RAB44: variants seen among roughly 807,000 people sequenced by gnomAD.
The protein encoded by RAB44 is RAB44, member RAS oncogene family.
A neutral mutation model predicts 93.3 loss-of-function variants in RAB44; 67 were observed. That is an observed-to-expected ratio of 0.72 (90% CI 0.59 to 0.88). RAB44 has a LOEUF of 0.88. Among genes scored for constraint, RAB44 ranks in the 40% least tolerant of loss-of-function variants. The pLI is 0.00. For missense variants in RAB44, 1,064 were observed against 1,261.7 expected (o/e 0.84, Z 2.37); for synonymous variants, 427 against 520.3 (o/e 0.82, Z 2.44).
intron 9 of RAB44, 147 bp from the exon 10 acceptor site, chr6:36,725,715 T>C: frequency 1.6e-6 from 1 of 632,406 alleles, no homozygotes; most frequent in Non-Finnish European, 3.0e-6. Flanking sequence ...CGAGTATGGA[T>C]GGGATGCAGA....
At position 36,731,974 on chromosome 6, in the gene RAB44, G is replaced by C; in HGVS notation, c.2976-29G>C. The C allele has an allele frequency of 4.1e-6, 5 of 1,228,554 alleles. No homozygotes were observed. The allele number at this position is 1,228,554 out of a possible 1,614,324, so 76.1% of individuals were successfully genotyped here. A position where few individuals can be genotyped will look rare whatever the true frequency, so the allele number is the denominator to read the frequency against. ...CGTGCTGCCCGTAGGAGGTGAGAGAGAGGCCTGATGCCTGGCACTGTCACA... is the reference window on the plus strand; with the variant it reads ...CGTGCTGCCCGTAGGAGGTGAGAGACAGGCCTGATGCCTGGCACTGTCACA... On this transcript the variant is annotated intron_variant, in intron 13 of 13. Transcript: ENST00000612677. This position sits in a 1 kb window ranked among gnomAD's most constrained non-coding sequence, Gnocchi z 4.0.
chr6:36,704,197 C>G (rs1276819910), intron 1 of RAB44, 27 bp from the exon 2 acceptor site: 3 of 1,514,886 alleles, frequency 2.0e-6, no homozygotes, highest in Non-Finnish European at 2.7e-6. Flanking sequence ...TCCAGCAGCC[C>G]GGTGCCCCTC....
intron 2 of RAB44, among the ~76,000 whole-genome samples, chr6:36,712,101 G>A (rs771176996): frequency 1.3e-5 from 2 of 152,076 alleles, no homozygotes; most frequent in Non-Finnish European, 2.9e-5. Flanking sequence ...TCAGGGGTTC[G>A]AGACCAGCTT....
chr6:36,702,337 AG>A (rs145826731), intron 1 of RAB44, among the ~76,000 whole-genome samples: 1,049 of 36,566 alleles, frequency 0.029, 3 homozygotes, highest in African/African-American at 0.059. Context: ...AGAGAGAGAG[AG>A]AATGTACTTC....
At chr6:36,707,832 G>A (rs59839172) in intron 2 of RAB44, among the ~76,000 whole-genome samples, 1 of 152,130 alleles carries the variant, frequency 6.6e-6, no homozygotes, top group Non-Finnish European at 1.5e-5. Flanking sequence ...CTGTGGTTAT[G>A]TATTACACTA....
intron 1 of RAB44, among the ~76,000 whole-genome samples, chr6:36,699,503 AC>A (rs1353649641): frequency 6.6e-6 from 1 of 152,094 alleles, no homozygotes; most frequent in Non-Finnish European, 1.5e-5. Context: ...AGTACATGAG[AC>A]ATTGGGCGTC....
chr6:36,715,169 A>G (rs1471323449), intron 3 of RAB44, among the ~76,000 whole-genome samples: 1 of 151,614 alleles, frequency 6.6e-6, no homozygotes, highest in Non-Finnish European at 1.5e-5. Context: ...ATTTTGGTTA[A>G]TTTTGTCATG....
At chr6:36,730,000 T>G (rs953050496) in intron 12 of RAB44, among the ~76,000 whole-genome samples, 1 of 152,220 alleles carries the variant, frequency 6.6e-6, no homozygotes, top group Non-Finnish European at 1.5e-5. Flanking sequence ...GATGTTCATG[T>G]GAGAGGTTAG....
rs886383777 is a variant in RAB44, at chr6:36,710,151, T to G, written c.208-3677T>G. Among the ~76,000 whole-genome samples the G allele has an allele frequency of 2.0e-5, 3 of 152,222 alleles. No individual in the cohort carries two copies. In the South Asian group the frequency reaches 6.2e-4, roughly 31 times the overall value. On this transcript the variant is annotated intron_variant, in intron 2 of 13. Coordinates refer to ENST00000612677, the MANE Select transcript of RAB44 (RefSeq NM_001257357.2). ...CCATTTCCCCAGCCATCTCCAAAGC[T>G]TCTTTCATCTTGCCAAACTGAAATT...
rs1473500100 is a variant in RAB44, at chr6:36,722,425, C to T, written c.2291C>T (p.Thr764Ile). 1.5e-5 allele frequency: 22 copies of T among 1,424,274 alleles called. No homozygotes were observed. Among genetic ancestry groups the T allele is most frequent in the Non-Finnish European group, 1.9e-5 (21 of 1,093,032 alleles). 88.2% of individuals were successfully genotyped at this position (1,424,274 alleles called of 1,614,324 possible). Residue 764 changes from threonine (T) to isoleucine (I), a missense_variant, in exon 9 of 14, where the codon ACC becomes ATC. Coordinates refer to ENST00000612677, the MANE Select transcript of RAB44 (RefSeq NM_001257357.2). ...GCAGGACCCCAGGAACCCACGCAAA[C>T]CCCTCCCACCATGGCTGAGCAGGAA... is the stretch of plus-strand genomic sequence containing the variant. The part of the protein sequence containing the change: ...AGAGPQEPTQ[T>I]PPTMAEQEAQ...
At position 36,732,429 on chromosome 6, in the gene RAB44, G is replaced by A. The variant is rs1326378199; in HGVS notation, c.*336G>A. 1 of 179,754 alleles carries A rather than the reference G, an allele frequency of 5.6e-6. No homozygotes were observed. The highest frequency in any genetic ancestry group is 1.1e-5 in the Non-Finnish European group (1 of 88,630). 11.1% of individuals were successfully genotyped at this position (179,754 alleles called of 1,614,324 possible). A position where few individuals can be genotyped will look rare whatever the true frequency, so the allele number is the denominator to read the frequency against. On this transcript the variant is annotated 3_prime_UTR_variant, in exon 14 of 14. Transcript: ENST00000612677. ...ATTTTAGGGAGAATGTGGGGGGGGG[G>A]TGTTACTTTCCATTTTACACATATT...
chr6:36,715,048 C>G (rs547744678), intron 3 of RAB44, among the ~76,000 whole-genome samples: 1 of 152,066 alleles, frequency 6.6e-6, no homozygotes, highest in Admixed American at 6.5e-5. Flanking sequence ...CTCCCAGTCT[C>G]TCAGTGGAAA....
At chr6:36,700,556 C>A (rs1762485607) in intron 1 of RAB44, among the ~76,000 whole-genome samples, 1 of 152,150 alleles carries the variant, frequency 6.6e-6, no homozygotes, top group Non-Finnish European at 1.5e-5. Context: ...CCTCCCATCT[C>A]AGCCTCCCAA....
chr6:36,715,424 C>T, intron 3 of RAB44, 55 bp from the exon 4 acceptor site: 1 of 1,505,864 alleles, frequency 6.6e-7, no homozygotes, highest in Non-Finnish European at 8.9e-7. Context: ...GGTGGGAGGC[C>T]AGGCGTCTGG....
At chr6:36,702,293 GGAGAGAGA>G (rs567475229) in intron 1 of RAB44, among the ~76,000 whole-genome samples, 1,410 of 115,154 alleles carry the variant, frequency 0.012, 30 homozygotes, top group African/African-American at 0.036. Flanking sequence ...CTTCGAAGGG[GGAGAGAGA>G]GAGAGAGAGA....
At chr6:36,706,876 G>A (rs1007916684) in intron 2 of RAB44, among the ~76,000 whole-genome samples, 11 of 151,064 alleles carry the variant, frequency 7.3e-5, no homozygotes, top group African/African-American at 1.2e-4. Flanking sequence ...ACAGGCCTGC[G>A]CCACCATGCC....
chr6:36,709,722 A>AT (rs1192479383), intron 2 of RAB44, among the ~76,000 whole-genome samples: 4 of 151,800 alleles, frequency 2.6e-5, no homozygotes, highest in African/African-American at 7.3e-5. Flanking sequence ...TGCCAGGAGG[A>AT]TTTTTTCTGT....
At position 36,715,503 on chromosome 6, in the gene RAB44, G is replaced by A. The variant is rs903821952; in HGVS notation, c.344G>A (p.Ser115Asn). 2.0e-5 allele frequency: 31 copies of A among 1,535,984 alleles called. No individual in the cohort carries two copies. In the African/African-American group the frequency reaches 3.0e-4, roughly 15 times the overall value. The change falls in exon 4 of 14, where the codon AGC (serine) becomes AAC (asparagine). Residue 115 changes from serine (S) to asparagine (N), a missense_variant. Transcript: ENST00000612677. ...GLKNIFGSSQ[S>N]PHRLRRRKPL... ...GAAAACATCTTTGGCTCCAGCCAGA[G>A]CCCCCACAGGCTCCGCAGAAGGAAG...
chr6:36,716,986 A>G (rs1041749100), intron 4 of RAB44, among the ~76,000 whole-genome samples: 8 of 152,198 alleles, frequency 5.3e-5, no homozygotes, highest in Non-Finnish European at 1.2e-4. Context: ...GAGAGAGGGC[A>G]GATGGAAGCT....
Sources: gnomAD v4.1 joint callset for allele counts (sites outside exome capture counted in the v4.1 genomes callset) on GRCh38, gnomAD v4.1.1 for gene constraint, Gnocchi (gnomAD v3.1) non-coding constraint, MANE v1.5 for transcripts, NCBI Gene and HGNC (gene_info 2026-07-23, HGNC 2026-07-21) for gene names.